Variants in ATXN1 observed in about 807,000 individuals in gnomAD.
ATXN1 encodes ataxin-1.
In ATXN1, 8 loss-of-function variants were observed where a neutral mutation model predicts 56.4. That is an observed-to-expected ratio of 0.14 (90% CI 0.08 to 0.26). The LOEUF is 0.26. ATXN1 is among the 10% of genes least tolerant of loss of function. ATXN1 has a pLI of 1.00. For synonymous variants in ATXN1, 514 were observed against 494.6 expected, an observed-to-expected ratio of 1.04 and a Z score of -0.52; for missense variants, 987 against 1,106.5, an observed-to-expected ratio of 0.89 and a Z score of 1.53.
chr6:16,689,521 C>CTTTTTTTTTTTTTTTTTTTTTTTTTCT (rs11374047), intron 2 of ATXN1, among the ~76,000 whole-genome samples: 1 of 105,206 alleles, frequency 9.5e-6, no homozygotes, highest in Non-Finnish European at 1.9e-5. Context: ...TTTTTTTTTT[C>CTTTTTTTTTTTTTTTTTTTTTTTTTCT]TTTTTTTTTT....
intron 4 of ATXN1, among the ~76,000 whole-genome samples, chr6:16,540,740 G>T (rs1761699544): frequency 6.6e-6 from 1 of 152,184 alleles, no homozygotes; most frequent in South Asian, 2.1e-4. Context: ...GTGTTTTACA[G>T]TTTACAAAAT....
Position 16,328,179 on chromosome 6 carries a change from T to C in ATXN1, c.132A>G (p.Ala44=). ...PSDNHRVEGT[A]WLPGNPGGRG... Reference sequence around the variant, plus strand: ...GGCCACCAGGGTTGCCCGGGAGCCATGCTGTGCCCTCCACCCGGTGGTTGT... The same window carrying C: ...GGCCACCAGGGTTGCCCGGGAGCCACGCTGTGCCCTCCACCCGGTGGTTGT... The change falls in exon 7 of 8, where the codon GCA becomes GCG. Residue 44 remains alanine, a synonymous_variant. Transcript: ENST00000436367. The surrounding 1 kb of genome is among the most constrained non-coding windows in gnomAD (Gnocchi z 6.2). 6.3e-7 allele frequency: 1 copy of C among 1,597,090 alleles called. No individual in the cohort carries two copies. Among genetic ancestry groups the C allele is most frequent in the Non-Finnish European group, 8.6e-7 (1 of 1,169,100 alleles).
intron 2 of ATXN1, among the ~76,000 whole-genome samples, chr6:16,732,093 A>C (rs576813784): frequency 6.6e-6 from 1 of 152,176 alleles, no homozygotes; most frequent in African/African-American, 2.4e-5. Context: ...TAACTGCAAC[A>C]AAGTGTCATA....
chr6:16,403,547 C>T (rs765630310), intron 6 of ATXN1, among the ~76,000 whole-genome samples: 41 of 152,134 alleles, frequency 2.7e-4, no homozygotes, highest in Non-Finnish European at 5.1e-4. Flanking sequence ...GATGGGGTTT[C>T]GCCACATTGG....
chr6:16,612,248 A>C (rs1763121977), intron 3 of ATXN1, among the ~76,000 whole-genome samples: 1 of 152,204 alleles, frequency 6.6e-6, no homozygotes, highest in African/African-American at 2.4e-5. Flanking sequence ...GATTAGATTT[A>C]ATTAGAGCAT....
rs1274085514 is a variant in ATXN1 at position 16,337,983 on chromosome 6, C to T, written c.-160-9513G>A. On this transcript the variant is annotated intron_variant, in intron 6 of 7. Transcript: ENST00000436367. ...CACCACTGTGATAGATCTCACTACC[C>T]GATGCATGAAGCATTCACATCCACT... 3.9e-5 allele frequency among the ~76,000 whole-genome samples: 6 copies of T among 152,230 alleles called. No individual in the cohort carries two copies. In the South Asian group the frequency reaches 8.3e-4, roughly 21 times the overall value.
intron 6 of ATXN1, among the ~76,000 whole-genome samples, chr6:16,433,707 G>GAACATTTC (rs2113585519): frequency 6.6e-6 from 1 of 152,308 alleles, no homozygotes; most frequent in African/African-American, 2.4e-5. Flanking sequence ...TGATGAAACA[G>GAACATTTC]GTGCATTAAG....
intron 4 of ATXN1, among the ~76,000 whole-genome samples, chr6:16,563,827 T>C (rs1200726743): frequency 1.3e-5 from 2 of 152,080 alleles, no homozygotes; most frequent in African/African-American, 4.8e-5. Flanking sequence ...AGAGGAAGTA[T>C]TTCATCATCT....
Position 16,608,712 on chromosome 6 carries a change from T to C in ATXN1, c.-488-22805A>G, listed in dbSNP as rs79188747. On this transcript the variant is annotated intron_variant, in intron 3 of 7. Transcript: ENST00000436367. ...ACTTGAGAGTTCTTCTGTACCTAAT[T>C]GGACCATGCAGCGTGATACTCCTGG... 8.8e-3 allele frequency among the ~76,000 whole-genome samples: 1,346 copies of C among 152,290 alleles called. 4 individuals carry two copies. Among genetic ancestry groups the C allele is most frequent in the Admixed American group, 0.016 (244 of 15,290 alleles).
At chr6:16,477,034 T>A (rs942251869) in intron 6 of ATXN1, among the ~76,000 whole-genome samples, 1 of 151,356 alleles carries the variant, frequency 6.6e-6, no homozygotes, top group Non-Finnish European at 1.5e-5. Flanking sequence ...AAGGCAACAA[T>A]GCATACGTCA....
intron 6 of ATXN1, among the ~76,000 whole-genome samples, chr6:16,375,736 G>T (rs1762130190): frequency 6.6e-6 from 1 of 151,790 alleles, no homozygotes; most frequent in African/African-American, 2.4e-5. Flanking sequence ...CCCAAATTTA[G>T]CTCTGTGTGC....
At chr6:16,672,529 C>T (rs719316) in intron 2 of ATXN1, among the ~76,000 whole-genome samples, 77,182 of 151,904 alleles carry the variant, frequency 0.51, 20,228 homozygotes, top group East Asian at 0.68. Flanking sequence ...GATGTGATGA[C>T]ATTAAGGATC....
At chr6:16,420,499 C>T (rs1175993062) in intron 6 of ATXN1, among the ~76,000 whole-genome samples, 1 of 152,118 alleles carries the variant, frequency 6.6e-6, no homozygotes, top group Non-Finnish European at 1.5e-5. Context: ...AGAGGTGAAG[C>T]TGGTGTTCTG....
chr6:16,300,732 A>AACACTTCGTGTTCAAGATT lies in ATXN1; in HGVS notation c.*5578_*5596dup, dbSNP rs1760064921. On this transcript the variant is annotated 3_prime_UTR_variant, in exon 8 of 8. Coordinates refer to ENST00000436367, the MANE Select transcript of ATXN1 (RefSeq NM_001128164.2). ...TTGGTAGCCTGGATCCCTTGTTACA[A>AACACTTCGTGTTCAAGATT]ACACTTCGTGTTCAAGATTATATTC... 4 of 152,604 alleles carry AACACTTCGTGTTCAAGATT rather than the reference A, an allele frequency of 2.6e-5. No homozygotes were observed. Among genetic ancestry groups the AACACTTCGTGTTCAAGATT allele is most frequent in the Admixed American group, 2.6e-4 (4 of 15,278 alleles). The allele number at this position is 152,604 out of a possible 1,614,324, so 9.5% of individuals were successfully genotyped here.
intron 4 of ATXN1, among the ~76,000 whole-genome samples, chr6:16,576,869 G>C (rs1182148729): frequency 1.3e-5 from 2 of 152,124 alleles, no homozygotes; most frequent in Non-Finnish European, 2.9e-5. Flanking sequence ...CAGCATAAAG[G>C]CCAGTTGACT....
In ATXN1 at chr6:16,533,561, A is replaced by G. The variant is rs150198355; in HGVS notation, c.-360-10873T>C. On this transcript the variant is annotated intron_variant, in intron 4 of 7. Transcript: ENST00000436367. ...CAATTTGGCAGTGGATCAGGAGTAAAGTCACTAATAGGAACAAAAGCTAGG... is the reference window on the plus strand; with the variant it reads ...CAATTTGGCAGTGGATCAGGAGTAAGGTCACTAATAGGAACAAAAGCTAGG... Among the ~76,000 whole-genome samples the G allele has an allele frequency of 5.9e-5, 9 of 152,316 alleles. No homozygotes were observed. The East Asian group carries it at 1.7e-3, about 29-fold the overall frequency.
At chr6:16,635,669 C>A (rs1245271822) in intron 3 of ATXN1, among the ~76,000 whole-genome samples, 1 of 152,192 alleles carries the variant, frequency 6.6e-6, no homozygotes, top group Admixed American at 6.5e-5. Flanking sequence ...TTATCTGATT[C>A]TTTAGGCAGG....
chr6:16,536,089 T>C (rs1352963515), intron 4 of ATXN1, among the ~76,000 whole-genome samples: 1 of 151,982 alleles, frequency 6.6e-6, no homozygotes, highest in African/African-American at 2.4e-5. Context: ...TGGTAGCCTA[T>C]GCCTGTAGTC....
At chr6:16,348,292 T>C (rs1045592947) in intron 6 of ATXN1, among the ~76,000 whole-genome samples, 17 of 152,182 alleles carry the variant, frequency 1.1e-4, no homozygotes, top group Non-Finnish European at 1.6e-4. Flanking sequence ...CTCAAACTCC[T>C]GGGCTTAAGC....
Sources: gnomAD v4.1 joint callset for allele counts (sites outside exome capture counted in the v4.1 genomes callset) on GRCh38, gnomAD v4.1.1 for gene constraint, Gnocchi (gnomAD v3.1) non-coding constraint, MANE v1.5 for transcripts, NCBI Gene and HGNC (gene_info 2026-07-23, HGNC 2026-07-21) for gene names.